Variants in ADGRL2 observed in about 807,000 individuals in gnomAD.
The protein encoded by ADGRL2 is adhesion G protein-coupled receptor L2.
In ADGRL2, 44 loss-of-function variants were observed where a neutral mutation model predicts 157.4. That is an observed-to-expected ratio of 0.28 (90% confidence interval 0.22 to 0.36). The LOEUF is 0.36. Ranked by LOEUF, ADGRL2 falls within the 10% of genes least tolerant of loss-of-function variation. The pLI, the probability that ADGRL2 is intolerant of heterozygous loss-of-function variation, is 1.00. For missense variants in ADGRL2, 1,510 were observed against 1,768.9 expected (o/e 0.85, Z 2.63); for synonymous variants, 585 against 624.7 (o/e 0.94, Z 0.95).
chr1:81,578,243 G>C (rs925138322), intron 2 of ADGRL2, among the ~76,000 whole-genome samples: 13 of 152,112 alleles, frequency 8.5e-5, no homozygotes, highest in African/African-American at 3.1e-4. Context: ...AATGAGACTG[G>C]TATCCAGGTA....
intron 13 of ADGRL2, among the ~76,000 whole-genome samples, chr1:81,967,314 T>G (rs1313730734): frequency 6.6e-6 from 1 of 150,826 alleles, no homozygotes; most frequent in African/African-American, 2.4e-5. Context: ...CAGTCTAGAG[T>G]GCGGTGGCGC....
In ADGRL2 at chr1:81,625,261, C is replaced by T. The variant is rs146135498; in HGVS notation, c.-143+44281C>T. ...GCAAGAGACACATCACCTTCTCTCC[C>T]TCTCCCTCCTTCCCTTTTTCCCTCT... On this transcript the variant is annotated intron_variant, in intron 3 of 24. Transcript: ENST00000370721. 2.6e-5 allele frequency among the ~76,000 whole-genome samples: 4 copies of T among 152,172 alleles called. No homozygotes were observed. The East Asian group carries it at 7.7e-4, about 29-fold the overall frequency.
intron 2 of ADGRL2, among the ~76,000 whole-genome samples, chr1:81,563,089 T>A (rs2080480458): frequency 6.6e-6 from 1 of 152,158 alleles, no homozygotes; most frequent in Non-Finnish European, 1.5e-5. Context: ...CATTTCTCAA[T>A]ATGACCTGTG....
chr1:81,818,746 T>C (rs1419798328), intron 1 of ADGRL2, among the ~76,000 whole-genome samples: 1 of 152,160 alleles, frequency 6.6e-6, no homozygotes, highest in Non-Finnish European at 1.5e-5. Flanking sequence ...ATAAAAGTCA[T>C]ACTACGATAT....
At chr1:81,569,252 A>AT (rs911351101) in intron 2 of ADGRL2, among the ~76,000 whole-genome samples, 2 of 152,230 alleles carry the variant, frequency 1.3e-5, no homozygotes, top group South Asian at 2.1e-4. Flanking sequence ...GACAGAGAGA[A>AT]TTTTTTCCCC....
At chr1:81,394,455 A>G (rs1204833540) in intron 1 of ADGRL2, among the ~76,000 whole-genome samples, 1 of 152,148 alleles carries the variant, frequency 6.6e-6, no homozygotes, top group Non-Finnish European at 1.5e-5. Context: ...GGGTGAGAAC[A>G]TATGGTATCT....
chr1:81,523,493 TAA>T (rs1223205345), intron 2 of ADGRL2, among the ~76,000 whole-genome samples: 2 of 152,078 alleles, frequency 1.3e-5, no homozygotes, highest in African/African-American at 2.4e-5. Context: ...ATCTATACCA[TAA>T]GTCAATATTT....
At chr1:81,966,020 C>G (rs754231107) in intron 11 of ADGRL2, 38 bp from the exon 12 acceptor site, 1 of 1,604,992 alleles carries the variant, frequency 6.2e-7, no homozygotes, top group African/African-American at 1.3e-5. Flanking sequence ...TTAAAGAATC[C>G]TTTTTTCCCC....
intron 2 of ADGRL2, chr1:81,501,861 C>A: frequency 2.5e-6 from 4 of 1,598,292 alleles, no homozygotes; most frequent in Non-Finnish European, 3.4e-6. Context: ...CAGATGGATG[C>A]CAGAGAGAAG....
intron 2 of ADGRL2, among the ~76,000 whole-genome samples, chr1:81,476,764 T>C (rs191058142): frequency 2.3e-3 from 350 of 152,280 alleles, no homozygotes; most frequent in Middle Eastern, 3.4e-3. Context: ...ATATCCTGTG[T>C]TTTTTCTGCA....
At chr1:81,600,615 A>G (rs2081316017) in intron 3 of ADGRL2, among the ~76,000 whole-genome samples, 1 of 152,220 alleles carries the variant, frequency 6.6e-6, no homozygotes, top group Non-Finnish European at 1.5e-5. Context: ...CTAATACAAC[A>G]TGCTCATTGA....
At chr1:81,516,600 A>G (rs1017273408) in intron 2 of ADGRL2, among the ~76,000 whole-genome samples, 28 of 152,254 alleles carry the variant, frequency 1.8e-4, no homozygotes, top group Non-Finnish European at 3.2e-4. Flanking sequence ...AATGTTTTCA[A>G]TAATCATGAA....
intron 2 of ADGRL2, among the ~76,000 whole-genome samples, chr1:81,897,661 A>G (rs2151555372): frequency 6.6e-6 from 1 of 152,308 alleles, no homozygotes; most frequent in Admixed American, 6.5e-5. Context: ...GTTTTCTAAA[A>G]GTATATTTTT....
chr1:81,366,610 C>T (rs2076071500), intron 1 of ADGRL2, among the ~76,000 whole-genome samples: 1 of 152,250 alleles, frequency 6.6e-6, no homozygotes, highest in South Asian at 2.1e-4. Flanking sequence ...CTCTCCTGCC[C>T]TTGCTTTAAC....
intron 2 of ADGRL2, among the ~76,000 whole-genome samples, chr1:81,511,817 A>C (rs1450639933): frequency 6.6e-6 from 1 of 152,044 alleles, no homozygotes; most frequent in Non-Finnish European, 1.5e-5. Context: ...TTCTTTAAAC[A>C]CTTATGAAGT....
At chr1:81,338,475 T>C (rs1263986396) in intron 1 of ADGRL2, among the ~76,000 whole-genome samples, 1 of 152,116 alleles carries the variant, frequency 6.6e-6, no homozygotes, top group Non-Finnish European at 1.5e-5. Context: ...TATTAACTGA[T>C]ACCACAAGGA....
chr1:81,616,322 C>T (rs1421398708), intron 3 of ADGRL2, among the ~76,000 whole-genome samples: 1 of 152,198 alleles, frequency 6.6e-6, no homozygotes, highest in African/African-American at 2.4e-5. Flanking sequence ...GCAGGACCCA[C>T]AGGAGCTGCC....
intron 3 of ADGRL2, among the ~76,000 whole-genome samples, chr1:81,650,351 C>T (rs1480660700): frequency 1.3e-5 from 2 of 151,888 alleles, no homozygotes; most frequent in Non-Finnish European, 2.9e-5. Flanking sequence ...GCAGGAGGAT[C>T]ACAAGGTCAA....
chr1:81,864,760 GAGAAA>G (rs1557801098), intron 2 of ADGRL2, among the ~76,000 whole-genome samples: 1 of 152,130 alleles, frequency 6.6e-6, no homozygotes, highest in African/African-American at 2.4e-5. Flanking sequence ...TCAGAAGTTT[GAGAAA>G]AGCCTGGCCA....
Sources: allele counts gnomAD v4.1 joint callset (sites outside exome capture counted in the v4.1 genomes callset), GRCh38; gene constraint gnomAD v4.1.1; transcripts MANE v1.5; gene names NCBI Gene and HGNC (gene_info 2026-07-23, HGNC 2026-07-21).